The following DZIP1L variants were observed in gnomAD, a reference collection of about 807,000 sequenced individuals.
DZIP1L encodes DAZ interacting zinc finger protein 1 like, also known as cilium assembly protein DZIP1L.
A neutral mutation model predicts 88.7 loss-of-function variants in DZIP1L; 90 were observed. That is an observed-to-expected ratio of 1.02 (90% CI 0.86 to 1.21). The LOEUF (loss-of-function observed/expected upper bound fraction) is 1.21, where lower values mean the gene tolerates loss of function less well. DZIP1L is among the 50% of genes most tolerant of loss of function. The pLI is 0.00. For synonymous variants in DZIP1L, 363 were observed against 372.1 expected (o/e 0.98, Z 0.28); for missense variants, 932 against 955.8 (o/e 0.98, Z 0.33).
At chr3:138,101,852 G>A in intron 2 of DZIP1L, 1 of 1,341,696 alleles carries the variant, frequency 7.5e-7, no homozygotes. Flanking sequence ...TTGGCCCGCT[G>A]CAGGGCGCCC....
At chr3:138,083,764 G>T (rs528825697) in intron 8 of DZIP1L, among the ~76,000 whole-genome samples, 4 of 152,338 alleles carry the variant, frequency 2.6e-5, no homozygotes, top group African/African-American at 7.2e-5. Flanking sequence ...TTCACCATCT[G>T]TCGAATGAAG....
Position 138,103,750 on chromosome 3 carries a change from G to A in DZIP1L, c.222C>T (p.Arg74=). The A allele has an allele frequency of 6.2e-7, 1 of 1,613,972 alleles. No individual in the cohort carries two copies. Among genetic ancestry groups the A allele is most frequent in the Non-Finnish European group, 8.5e-7 (1 of 1,180,050 alleles). The change falls in exon 2 of 16, where the codon CGC becomes CGT. Residue 74 remains arginine (R), a synonymous_variant. Transcript: ENST00000327532. ...GTGCCGGGTCCACAGGCTGCCCACA[G>A]CGGCTGCACACCTCCCGGTCCAAGT... is the stretch of plus-strand genomic sequence containing the variant. ...FCNLDREVCS[R]CGQPVDPALL...
rs1040431620 is a variant in DZIP1L at position 138,063,965 on chromosome 3, G to A, written c.2142+663C>T. ...GTGAGAAAGGAGTGTGAAGTAAAGG[G>A]AGCTCTAAAGTTTTCTGCTTGAAAA... On this transcript the variant is annotated intron_variant, in intron 15 of 15. Coordinates refer to ENST00000327532, the MANE Select transcript of DZIP1L (RefSeq NM_173543.3). This position sits in a 1 kb window ranked among gnomAD's most constrained non-coding sequence, Gnocchi z 4.1. Among the ~76,000 whole-genome samples the A allele has an allele frequency of 9.2e-5, 14 of 152,152 alleles. No homozygotes were observed. Among genetic ancestry groups the A allele is most frequent in the Admixed American group, 7.2e-4 (11 of 15,276 alleles).
intron 2 of DZIP1L, chr3:138,101,789 G>T (rs1259212639): frequency 1.7e-6 from 2 of 1,149,470 alleles, no homozygotes; most frequent in South Asian, 2.4e-5. Context: ...TCCAGGGCCA[G>T]CTTGACATTC....
chr3:138,080,476 A>T, intron 10 of DZIP1L, 91 bp downstream of exon 10: 1 of 1,415,628 alleles, frequency 7.1e-7, no homozygotes, highest in South Asian at 1.2e-5. Context: ...TCGGATGTCC[A>T]GATACAGTTA....
At chr3:138,105,807 C>T (rs1224108653) in intron 1 of DZIP1L, among the ~76,000 whole-genome samples, 1 of 151,996 alleles carries the variant, frequency 6.6e-6, no homozygotes, top group African/African-American at 2.4e-5. Flanking sequence ...AAAATATGCT[C>T]ATTTATAATT....
chr3:138,078,714 A>G (rs1372652923), intron 10 of DZIP1L, among the ~76,000 whole-genome samples: 1 of 151,878 alleles, frequency 6.6e-6, no homozygotes. Context: ...CTCCCCTACC[A>G]CCCATTCACC....
At chr3:138,105,811 T>C (rs554046680) in intron 1 of DZIP1L, among the ~76,000 whole-genome samples, 1 of 152,304 alleles carries the variant, frequency 6.6e-6, no homozygotes, top group Non-Finnish European at 1.5e-5. Flanking sequence ...TATGCTCATT[T>C]ATAATTCATA....
At chr3:138,089,051 T>G (rs968099613) in intron 5 of DZIP1L, 1 of 985,338 alleles carries the variant, frequency 1.0e-6, no homozygotes, top group Non-Finnish European at 1.2e-6. Flanking sequence ...AGAGGATGCC[T>G]TTCCACCCAC....
chr3:138,088,520 G>A lies in DZIP1L; in HGVS notation c.871-13C>T, dbSNP rs772168930. On this transcript the variant is annotated splice_polypyrimidine_tract_variant and intron_variant, in intron 5 of 15. Coordinates refer to ENST00000327532, the MANE Select transcript of DZIP1L (RefSeq NM_173543.3). ...GTGCCCGCAGTTTCTGAAAAGGCCA[G>A]GGCATAGTTTTATTCAGATGAAGAT... 6.2e-7 allele frequency: 1 copy of A among 1,611,568 alleles called. No individual in the cohort carries two copies. Among genetic ancestry groups the A allele is most frequent in the East Asian group, 2.2e-5 (1 of 44,800 alleles).
At chr3:138,095,143 T>G (rs1944411436) in intron 3 of DZIP1L, among the ~76,000 whole-genome samples, 160 bp from the exon 4 acceptor site, 1 of 152,140 alleles carries the variant, frequency 6.6e-6, no homozygotes, top group African/African-American at 2.4e-5. Flanking sequence ...TCCCTCTGTT[T>G]CCCCAAACTG....
At chr3:138,099,492 T>C (rs1274437729) in intron 2 of DZIP1L, among the ~76,000 whole-genome samples, 2 of 152,248 alleles carry the variant, frequency 1.3e-5, no homozygotes, top group Admixed American at 6.5e-5. Context: ...TTAGAGATTC[T>C]GAGATCCTTG....
At chr3:138,075,780 C>T (rs1333918547) in intron 11 of DZIP1L, among the ~76,000 whole-genome samples, 1 of 152,086 alleles carries the variant, frequency 6.6e-6, no homozygotes, top group Non-Finnish European at 1.5e-5. Context: ...GAATTCGAGA[C>T]CATCCTGGCA....
intron 11 of DZIP1L, 117 bp from the exon 12 acceptor site, chr3:138,071,952 T>C: frequency 9.9e-7 from 1 of 1,011,600 alleles, no homozygotes; most frequent in Non-Finnish European, 1.4e-6. Flanking sequence ...CTGGTGCTTT[T>C]CTTGCAGGAC....
At chr3:138,075,986 A>G (rs116368733) in intron 11 of DZIP1L, among the ~76,000 whole-genome samples, 3,231 of 152,260 alleles carry the variant, frequency 0.021, 47 homozygotes, top group Non-Finnish European at 0.036. Context: ...GCACAAATAG[A>G]TAATCTAAGG....
chr3:138,069,268 A>G (rs1943061990), intron 12 of DZIP1L: 4 of 502,310 alleles, frequency 8.0e-6, no homozygotes, highest in Non-Finnish European at 3.6e-6. Context: ...TCTTAATAAC[A>G]TGTTCTTTTC....
chr3:138,079,052 G>A (rs963093177), intron 10 of DZIP1L, among the ~76,000 whole-genome samples: 1 of 152,204 alleles, frequency 6.6e-6, no homozygotes, highest in Non-Finnish European at 1.5e-5. Context: ...CAGTTTGTCT[G>A]GCATGGGGCC....
At chr3:138,066,494 A>G (rs1357988053) in intron 14 of DZIP1L, among the ~76,000 whole-genome samples, 1 of 152,200 alleles carries the variant, frequency 6.6e-6, no homozygotes, top group Non-Finnish European at 1.5e-5. Flanking sequence ...CAAAAACATC[A>G]TACAGAATCT....
intron 11 of DZIP1L, 52 bp downstream of exon 11, chr3:138,077,447 T>TA (rs1401217953): frequency 6.2e-7 from 1 of 1,605,700 alleles, no homozygotes; most frequent in African/African-American, 1.3e-5. Flanking sequence ...TGAGAACACT[T>TA]AGTGTCTAAA....
Sources: allele counts gnomAD v4.1 joint callset (sites outside exome capture counted in the v4.1 genomes callset), GRCh38; gene constraint gnomAD v4.1.1; non-coding constraint Gnocchi (gnomAD v3.1); transcripts MANE v1.5; gene names NCBI Gene and HGNC (gene_info 2026-07-23, HGNC 2026-07-21).